SHISA9: variants seen among roughly 807,000 people sequenced by gnomAD.
The protein encoded by SHISA9 is shisa family member 9.
Under a neutral mutation model 38.0 loss-of-function variants are expected in SHISA9, and 13 were observed. That is an observed-to-expected ratio of 0.34 (90% CI 0.22 to 0.54). The LOEUF (loss-of-function observed/expected upper bound fraction) is 0.54, where lower values mean the gene tolerates loss of function less well. SHISA9 is among the 20% of genes least tolerant of loss of function. The probability of loss-of-function intolerance (pLI) is 0.91; values close to 1 mark genes in which losing one functional copy is unlikely to be tolerated. For synonymous variants in SHISA9, 275 were observed against 242.0 expected (o/e 1.14, Z -1.27); for missense variants, 538 against 575.8 (o/e 0.93, Z 0.67).
At chr16:13,397,689 C>T in the SHISA9 span, among the ~76,000 whole-genome samples, 1 of 152,112 alleles carries the variant, frequency 6.6e-6, no homozygotes, top group African/African-American at 2.4e-5. Flanking sequence ...CCACCTTGGC[C>T]TCCCAAAGTG....
At position 13,127,333 on chromosome 16, in the gene SHISA9, G is replaced by T. The variant is rs536713421; in HGVS notation, c.692-76061G>T. On this transcript the variant is annotated intron_variant, in intron 2 of 4. Coordinates refer to ENST00000558583, the MANE Select transcript of SHISA9 (RefSeq NM_001145204.3). ...GTGAGGGAGGGAGAGAGATGAAGGG[G>T]TGAGAGAGTGAGGGAGGGAGAAGGA... Among the ~76,000 whole-genome samples the T allele has an allele frequency of 6.4e-4, 89 of 139,032 alleles. No individual in the cohort carries two copies. The South Asian group carries it at 0.022, about 34-fold the overall frequency. 91.2% of individuals were successfully genotyped at this position (139,032 alleles called of 152,430 possible).
At chr16:13,393,345 C>A in the SHISA9 span, among the ~76,000 whole-genome samples, 20 of 152,290 alleles carry the variant, frequency 1.3e-4, no homozygotes, top group South Asian at 4.1e-3. Flanking sequence ...GCACTGGGCC[C>A]CCCAAAATTG....
At chr16:13,337,268 G>T in the SHISA9 span, among the ~76,000 whole-genome samples, 1 of 152,134 alleles carries the variant, frequency 6.6e-6, no homozygotes, top group Non-Finnish European at 1.5e-5. Flanking sequence ...AATCATGGGA[G>T]CAGTTTCCCC....
rs773004320 is a variant in SHISA9, at chr16:13,099,133, A to G, written c.692-104261A>G. ...AATAACGTTTTGCTGCAACACATCC[A>G]TGTCAATTCACTGACCGATCATCTA... On this transcript the variant is annotated intron_variant, in intron 2 of 4. Coordinates refer to ENST00000558583, the MANE Select transcript of SHISA9 (RefSeq NM_001145204.3). 7.9e-5 allele frequency among the ~76,000 whole-genome samples: 12 copies of G among 152,374 alleles called. No homozygotes were observed. The South Asian group carries it at 1.0e-3, about 13-fold the overall frequency.
At chr16:13,467,329 A>C in the SHISA9 span, among the ~76,000 whole-genome samples, 1 of 152,184 alleles carries the variant, frequency 6.6e-6, no homozygotes, top group Non-Finnish European at 1.5e-5. Context: ...CCACTCCCCC[A>C]GAGCAGAACA....
intron 2 of SHISA9, among the ~76,000 whole-genome samples, chr16:13,172,572 G>T (rs1452981640): frequency 6.6e-6 from 1 of 152,054 alleles, no homozygotes; most frequent in Non-Finnish European, 1.5e-5. Flanking sequence ...TTTTTTGTGT[G>T]TGTGAAATAA....
At chr16:12,994,991 G>A (rs915908002) in intron 2 of SHISA9, among the ~76,000 whole-genome samples, 26 of 151,988 alleles carry the variant, frequency 1.7e-4, no homozygotes, top group African/African-American at 5.1e-4. Flanking sequence ...CTTTTTTATC[G>A]CATGTAAACA....
Position 13,070,012 on chromosome 16 carries a change from G to A in SHISA9, c.692-133382G>A, listed in dbSNP as rs551757342. On this transcript the variant is annotated intron_variant, in intron 2 of 4. Coordinates refer to ENST00000558583, the MANE Select transcript of SHISA9 (RefSeq NM_001145204.3). ...ACCCAGGCTCTGGTGTTTTGTCGTA[G>A]CAGCTCACGTGGACTAAGAGAAAGG... Among the ~76,000 whole-genome samples the A allele has an allele frequency of 5.9e-5, 9 of 152,232 alleles. No homozygotes were observed. The South Asian group carries it at 1.9e-3, about 32-fold the overall frequency.
the SHISA9 span, among the ~76,000 whole-genome samples, chr16:13,435,550 T>C: frequency 6.6e-6 from 1 of 152,204 alleles, no homozygotes; most frequent in Admixed American, 6.5e-5. Context: ...ATGAGTCAGC[T>C]AATACACAAA....
chr16:13,550,373 C>T, the SHISA9 span, among the ~76,000 whole-genome samples: 1 of 152,162 alleles, frequency 6.6e-6, no homozygotes, highest in Non-Finnish European at 1.5e-5. Flanking sequence ...CACCTCAAAC[C>T]TTCTATAATT....
chr16:12,979,265 T>G (rs2072208909), intron 2 of SHISA9, among the ~76,000 whole-genome samples: 1 of 152,084 alleles, frequency 6.6e-6, no homozygotes, highest in Non-Finnish European at 1.5e-5. Flanking sequence ...ATTTTTCGAG[T>G]ATCTGCTATA....
chr16:13,002,410 C>T (rs76598005), intron 2 of SHISA9, among the ~76,000 whole-genome samples: 5,275 of 152,186 alleles, frequency 0.035, 301 homozygotes, highest in African/African-American at 0.12. Context: ...TCGTTGTCCA[C>T]AAGCGACGGC....
At chr16:13,025,677 A>G (rs897281643) in intron 2 of SHISA9, among the ~76,000 whole-genome samples, 6 of 152,198 alleles carry the variant, frequency 3.9e-5, no homozygotes, top group African/African-American at 1.2e-4. Flanking sequence ...CTCCTTGGCA[A>G]TCTCATAGAC....
chr16:13,308,577 A>T, the SHISA9 span, among the ~76,000 whole-genome samples: 3 of 152,288 alleles, frequency 2.0e-5, no homozygotes, highest in East Asian at 1.9e-4. Context: ...TAATCTTCAA[A>T]TTCCCTCCCT....
chr16:13,358,604 CGT>C, the SHISA9 span, among the ~76,000 whole-genome samples: 1 of 152,166 alleles, frequency 6.6e-6, no homozygotes, highest in South Asian at 2.1e-4. Flanking sequence ...ACCCAAAAAC[CGT>C]AAGAGAGTAT....
chr16:13,286,481 C>T, the SHISA9 span, among the ~76,000 whole-genome samples: 1 of 152,094 alleles, frequency 6.6e-6, no homozygotes, highest in Non-Finnish European at 1.5e-5. Context: ...AGTCAAGAGC[C>T]CGCATAAAAC....
intron 2 of SHISA9, among the ~76,000 whole-genome samples, chr16:12,959,424 G>A (rs939045718): frequency 6.6e-6 from 1 of 152,162 alleles, no homozygotes; most frequent in African/African-American, 2.4e-5. Flanking sequence ...GCTAGGGAAG[G>A]CTATGACTTT....
At chr16:13,031,696 T>A (rs943008828) in intron 2 of SHISA9, among the ~76,000 whole-genome samples, 4 of 152,154 alleles carry the variant, frequency 2.6e-5, no homozygotes, top group Admixed American at 6.6e-5. Context: ...AAAAATAATA[T>A]CTATATCACG....
chr16:12,906,835 G>C (rs1307076130), intron 1 of SHISA9, among the ~76,000 whole-genome samples: 1 of 152,092 alleles, frequency 6.6e-6, no homozygotes, highest in African/African-American at 2.4e-5. Flanking sequence ...CGGCGTCTCT[G>C]GTCTCTGCCC....
Sources: gnomAD v4.1 joint callset for allele counts (sites outside exome capture counted in the v4.1 genomes callset) on GRCh38, gnomAD v4.1.1 for gene constraint, MANE v1.5 for transcripts, NCBI Gene and HGNC (gene_info 2026-07-23, HGNC 2026-07-21) for gene names.